The following SYT3 variants were observed in gnomAD, a reference collection of about 807,000 sequenced individuals.
SYT3 encodes the protein synaptotagmin 3, also known as synaptotagmin-3.
In SYT3, 25 loss-of-function variants were observed where a neutral mutation model predicts 50.6. The observed-to-expected ratio is 0.49, with a 90% CI of 0.36 to 0.69. The LOEUF is 0.69. Among genes scored for constraint, SYT3 ranks in the 30% least tolerant of loss-of-function variants. The probability of loss-of-function intolerance (pLI) is 0.00; values close to 1 mark genes in which losing one functional copy is unlikely to be tolerated. For missense variants in SYT3, 589 were observed against 793.6 expected (o/e 0.74, Z 3.10); for synonymous variants, 323 against 353.9 (o/e 0.91, Z 0.98).
chr19:50,637,377 C>G lies in SYT3; in HGVS notation c.35G>C (p.Arg12Pro). 1 of 1,609,180 alleles carries G rather than the reference C, an allele frequency of 6.2e-7. No homozygotes were observed. The highest frequency in any genetic ancestry group is 8.5e-7 in the Non-Finnish European group (1 of 1,177,824). The change falls in exon 3 of 11, where the codon CGG becomes CCG. Residue 12 changes from arginine to proline, a missense_variant. Around this residue, in one of 2 missense-constraint regions of SYT3, gnomAD observed 316 missense variants for 354.3 expected, o/e 0.89. Coordinates refer to ENST00000600079, the MANE Select transcript of SYT3 (RefSeq NM_001160329.2). The surrounding 1 kb of genome is among the most constrained non-coding windows in gnomAD (Gnocchi z 4.9). Reference sequence around the variant, plus strand: ...GAGGTCCGAGACCAGGATGAGTGCCCGCCGGCAGAGGTCATCCTCGTAGTC... The same window carrying G: ...GAGGTCCGAGACCAGGATGAGTGCCGGCCGGCAGAGGTCATCCTCGTAGTC... ...SGDYEDDLCR[R>P]ALILVSDLCA...
At chr19:50,651,624 G>C in the SYT3 span, among the ~76,000 whole-genome samples, 1 of 151,738 alleles carries the variant, frequency 6.6e-6, no homozygotes, top group Non-Finnish European at 1.5e-5. Context: ...GATCCCTTAA[G>C]CCCAGGAGTT....
Position 50,632,241 on chromosome 19 carries a change from G to A in SYT3, c.674+45C>T, listed in dbSNP as rs781418157. ...TAGATAGGAAAGAGACACAGAGGAGGAGCAGAAGTTCAGAGTGGACCCCCA... is the reference window on the plus strand; with the variant it reads ...TAGATAGGAAAGAGACACAGAGGAGAAGCAGAAGTTCAGAGTGGACCCCCA... On this transcript the variant is annotated intron_variant, in intron 4 of 10. Coordinates refer to ENST00000600079, the MANE Select transcript of SYT3 (RefSeq NM_001160329.2). This position sits in a 1 kb window ranked among gnomAD's most constrained non-coding sequence, Gnocchi z 4.7. 2.3e-5 allele frequency: 34 copies of A among 1,508,360 alleles called. No individual in the cohort carries two copies. The highest frequency in any genetic ancestry group is 4.0e-5 in the South Asian group (3 of 75,462). The allele number at this position is 1,508,360 out of a possible 1,614,324, so 93.4% of individuals were successfully genotyped here.
chr19:50,646,810 ATTATTTATTTAT>A, the SYT3 span, among the ~76,000 whole-genome samples: 2 of 150,668 alleles, frequency 1.3e-5, no homozygotes, highest in African/African-American at 2.4e-5. Flanking sequence ...TGTGGGAGGG[ATTATTTATTTAT>A]TTATTTATTT....
intron 9 of SYT3, among the ~76,000 whole-genome samples, chr19:50,623,024 ACT>A (rs1209352712): frequency 7.1e-6 from 1 of 141,730 alleles, no homozygotes; most frequent in East Asian, 2.0e-4. Flanking sequence ...AGGGGCTGAG[ACT>A]CTGTCCTGGG....
Position 50,637,503 on chromosome 19 carries a change from A to G in SYT3, c.-15-77T>C. Reference sequence around the variant, plus strand: ...TGCAGGGTGGGCAGGTGTGGAGATAAGGGTGGAAAGAGACACCGAGAAAAG... The same window carrying G: ...TGCAGGGTGGGCAGGTGTGGAGATAGGGGTGGAAAGAGACACCGAGAAAAG... On this transcript the variant is annotated intron_variant, in intron 2 of 10. Coordinates refer to ENST00000600079, the MANE Select transcript of SYT3 (RefSeq NM_001160329.2). The surrounding 1 kb of genome is among the most constrained non-coding windows in gnomAD (Gnocchi z 4.9). The G allele has an allele frequency of 7.5e-7, 1 of 1,330,210 alleles. No homozygotes were observed. Among genetic ancestry groups the G allele is most frequent in the Non-Finnish European group, 1.0e-6 (1 of 974,792 alleles). The allele number at this position is 1,330,210 out of a possible 1,614,324, so 82.4% of individuals were successfully genotyped here. A position where few individuals can be genotyped will look rare whatever the true frequency, so the allele number is the denominator to read the frequency against.
chr19:50,642,520 G>A (rs1265041638), upstream of SYT3, among the ~76,000 whole-genome samples: 1 of 152,182 alleles, frequency 6.6e-6, no homozygotes, highest in Non-Finnish European at 1.5e-5. Flanking sequence ...CTCTGTAAGT[G>A]CAGATAATAA....
the SYT3 span, chr19:50,657,857 A>G: frequency 2.6e-5 from 31 of 1,211,770 alleles, no homozygotes; most frequent in East Asian, 5.3e-4. Context: ...TGGGATTAAG[A>G]GCGATCCTTG....
chr19:50,635,135 C>T (rs1199196455), intron 3 of SYT3, among the ~76,000 whole-genome samples: 4 of 151,940 alleles, frequency 2.6e-5, no homozygotes, highest in African/African-American at 9.7e-5. Context: ...GTCTTGATCT[C>T]CTGACCTTGT....
At chr19:50,652,374 G>A in the SYT3 span, among the ~76,000 whole-genome samples, 5 of 152,274 alleles carry the variant, frequency 3.3e-5, no homozygotes, top group African/African-American at 9.6e-5. Flanking sequence ...CTCAGAAGAC[G>A]TAGGGAAGAC....
In SYT3 at chr19:50,631,455, C is replaced by A. The variant is rs151233711; in HGVS notation, c.674+831G>T. On this transcript the variant is annotated intron_variant, in intron 4 of 10. Coordinates refer to ENST00000600079, the MANE Select transcript of SYT3 (RefSeq NM_001160329.2). ...CTGGGATTACAGGCATGAGCCACTG[C>A]GCCCAGCCTGAAGTTTTCCGTTTTT... 3.5e-3 allele frequency among the ~76,000 whole-genome samples: 532 copies of A among 152,260 alleles called. 2 individuals carry two copies. The highest frequency in any genetic ancestry group is 6.1e-3 in the Non-Finnish European group (416 of 68,012).
chr19:50,643,629 T>G (rs1421976864), upstream of SYT3, among the ~76,000 whole-genome samples: 1 of 152,028 alleles, frequency 6.6e-6, no homozygotes, highest in Non-Finnish European at 1.5e-5. Context: ...GAGACAGAGA[T>G]AGAATCTTCC....
intron 2 of SYT3, among the ~76,000 whole-genome samples, chr19:50,638,731 A>G (rs1984573873): frequency 6.6e-6 from 1 of 152,092 alleles, no homozygotes; most frequent in African/African-American, 2.4e-5. Context: ...GGGCAAGGAC[A>G]GCAGATGATG....
At chr19:50,647,335 C>T in the SYT3 span, among the ~76,000 whole-genome samples, 1,381 of 152,014 alleles carry the variant, frequency 9.1e-3, 10 homozygotes, top group African/African-American at 0.031. Flanking sequence ...AGAAAGACCA[C>T]TCTGGAGCCT....
At chr19:50,653,889 A>T in the SYT3 span, among the ~76,000 whole-genome samples, 2 of 152,050 alleles carry the variant, frequency 1.3e-5, no homozygotes, top group African/African-American at 2.4e-5. Flanking sequence ...GGGAATCTTC[A>T]TCTCATTGGG....
At chr19:50,634,772 C>T (rs540595299) in intron 3 of SYT3, among the ~76,000 whole-genome samples, 79 of 152,030 alleles carry the variant, frequency 5.2e-4, no homozygotes, top group East Asian at 1.7e-3. Context: ...TTGGAATAGA[C>T]GGAGTTTTGT....
intron 3 of SYT3, among the ~76,000 whole-genome samples, chr19:50,635,962 A>G (rs1984483110): frequency 1.3e-5 from 2 of 152,138 alleles, no homozygotes; most frequent in Admixed American, 6.5e-5. Context: ...CATGAGTATA[A>G]CAGTTTCCAG....
the SYT3 span, among the ~76,000 whole-genome samples, chr19:50,647,021 G>A: frequency 6.6e-5 from 10 of 152,074 alleles, no homozygotes; most frequent in South Asian, 1.2e-3. Flanking sequence ...CAGTAGAGAC[G>A]GGGTTTCACC....
chr19:50,639,630 C>T lies in SYT3; in HGVS notation c.-154+160G>A, dbSNP rs1310937780. Among the ~76,000 whole-genome samples the T allele has an allele frequency of 1.3e-5, 2 of 151,886 alleles. No individual in the cohort carries two copies. The highest frequency in any genetic ancestry group is 1.5e-5 in the Non-Finnish European group (1 of 67,930). The stretch of plus-strand genomic sequence containing the variant: ...CGGGACCCCCTTCCAGGGCCACGTG[C>T]CCCTCCCCCGGGGTGGCCAGAGAGC... On this transcript the variant is annotated intron_variant, in intron 1 of 10. Transcript: ENST00000600079. This position sits in a 1 kb window ranked among gnomAD's most constrained non-coding sequence, Gnocchi z 4.6.
Position 50,632,665 on chromosome 19 carries a change from C to T in SYT3, c.295G>A (p.Asp99Asn). The change falls in exon 4 of 11, where the codon GAC becomes AAC. Residue 99 changes from aspartate (D) to asparagine (N), a missense_variant. Coordinates refer to ENST00000600079, the MANE Select transcript of SYT3 (RefSeq NM_001160329.2). This position sits in a 1 kb window ranked among gnomAD's most constrained non-coding sequence, Gnocchi z 4.7. ...GCCAGCCCGACACCAGGGCCTAGGT[C>T]TTTGCGCAGGGGGCCACCGCCCACT... ...SAVGGGPLRK[D>N]LGPGVGLAGL... 1 of 1,591,058 alleles carries T rather than the reference C, an allele frequency of 6.3e-7. No individual in the cohort carries two copies. Among genetic ancestry groups the T allele is most frequent in the Non-Finnish European group, 8.5e-7 (1 of 1,169,712 alleles).
Sources: gnomAD v4.1 joint callset for allele counts (sites outside exome capture counted in the v4.1 genomes callset) on GRCh38, gnomAD v4.1.1 for gene constraint, gnomAD v4.1.1 regional missense constraint, Gnocchi (gnomAD v3.1) non-coding constraint, MANE v1.5 for transcripts, NCBI Gene and HGNC (gene_info 2026-07-23, HGNC 2026-07-21) for gene names.